Variants in ACAD10 observed in about 807,000 individuals in gnomAD.
ACAD10 encodes ACAD-10.
Under a neutral mutation model 116.8 loss-of-function variants are expected in ACAD10, and 112 were observed. The observed-to-expected ratio is 0.96, with a 90% CI of 0.82 to 1.12. The LOEUF is 1.12. Among genes scored for constraint, ACAD10 ranks in the 50% most tolerant of loss-of-function variants. The pLI, the probability that ACAD10 is intolerant of heterozygous loss-of-function variation, is 0.00. For synonymous variants in ACAD10, 486 were observed against 510.6 expected (o/e 0.95, Z 0.65); for missense variants, 1,259 against 1,350.2 (o/e 0.93, Z 1.06).
intron 2 of ACAD10, among the ~76,000 whole-genome samples, chr12:111,696,938 AG>A (rs1888204394): frequency 6.6e-6 from 1 of 152,176 alleles, no homozygotes; most frequent in South Asian, 2.1e-4. Context: ...AAAATTAGCC[AG>A]GCGTGGTGGC....
intron 7 of ACAD10, 37 bp downstream of exon 7, chr12:111,715,999 G>A: frequency 6.2e-7 from 1 of 1,613,094 alleles, no homozygotes. Flanking sequence ...TTGCCCACTA[G>A]CCTCCACTGT....
At chr12:111,697,935 C>T (rs1157232841) in intron 2 of ACAD10, among the ~76,000 whole-genome samples, 11 of 143,968 alleles carry the variant, frequency 7.6e-5, no homozygotes, top group Middle Eastern at 3.8e-3. Flanking sequence ...ACTGAGGTTG[C>T]GCCTTTTTTT....
intron 6 of ACAD10, chr12:111,715,511 T>G (rs894953330): frequency 6.3e-6 from 2 of 316,330 alleles, no homozygotes; most frequent in Non-Finnish European, 1.2e-5. Context: ...TGAACATGTT[T>G]TTATTCATGG....
rs1418518797 is a variant in ACAD10, at chr12:111,722,998, G to T, written c.1061+1259G>T. On this transcript the variant is annotated intron_variant, in intron 8 of 20. Transcript: ENST00000313698. The stretch of plus-strand genomic sequence containing the variant: ...CGCCCCTCACCTCCCGGACGGGGCG[G>T]GTGGCCGGGCGGGGGGCTGACCCCC... Among the ~76,000 whole-genome samples, 56 of 150,442 alleles carry T rather than the reference G, an allele frequency of 3.7e-4. 2 individuals are homozygous for T. Among genetic ancestry groups the T allele is most frequent in the Admixed American group, 3.4e-3 (51 of 15,168 alleles).
At chr12:111,716,728 T>C (rs1009907963) in intron 7 of ACAD10, among the ~76,000 whole-genome samples, 1 of 151,224 alleles carries the variant, frequency 6.6e-6, no homozygotes, top group Non-Finnish European at 1.5e-5. Flanking sequence ...TGGTGGCACA[T>C]ACCTGTAGTT....
intron 12 of ACAD10, among the ~76,000 whole-genome samples, chr12:111,743,373 T>TG (rs1889803679): frequency 6.6e-6 from 1 of 151,702 alleles, no homozygotes; most frequent in African/African-American, 2.4e-5. Flanking sequence ...TATTCTGTTT[T>TG]TTTTTTTTTT....
chr12:111,687,352 CTTT>C (rs1304136917), intron 1 of ACAD10, among the ~76,000 whole-genome samples: 1 of 152,004 alleles, frequency 6.6e-6, no homozygotes, highest in Admixed American at 6.6e-5. Context: ...CCTGATTATT[CTTT>C]TTTGTTTTTG....
chr12:111,703,837 C>T (rs1323563088), intron 3 of ACAD10, among the ~76,000 whole-genome samples: 1 of 151,310 alleles, frequency 6.6e-6, no homozygotes, highest in African/African-American at 2.4e-5. Flanking sequence ...GAGTGAGACT[C>T]CATCTCAAAA....
At chr12:111,712,378 T>C in intron 5 of ACAD10, 120 bp from the exon 6 acceptor site, 2 of 918,674 alleles carry the variant, frequency 2.2e-6, no homozygotes, top group Non-Finnish European at 3.2e-6. Context: ...TCTGCACCTG[T>C]ACTACCATGA....
intron 14 of ACAD10, among the ~76,000 whole-genome samples, chr12:111,746,750 G>A (rs1051403569): frequency 8.6e-5 from 13 of 151,736 alleles, no homozygotes; most frequent in African/African-American, 3.1e-4. Flanking sequence ...CTGTAATCCC[G>A]GTACTTTTGG....
intron 20 of ACAD10, chr12:111,756,008 C>A: frequency 1.2e-6 from 1 of 809,720 alleles, no homozygotes; most frequent in Non-Finnish European, 1.9e-6. Flanking sequence ...TAGCTGACCT[C>A]AAATTCACAT....
intron 4 of ACAD10, among the ~76,000 whole-genome samples, chr12:111,706,782 A>ATATTTT (rs778649893): frequency 7.9e-6 from 1 of 126,504 alleles, no homozygotes; most frequent in African/African-American, 3.2e-5. Context: ...ATATATATAT[A>ATATTTT]TTTTTTTTTT....
At chr12:111,693,857 A>G (rs1888121445) in intron 2 of ACAD10, among the ~76,000 whole-genome samples, 1 of 152,208 alleles carries the variant, frequency 6.6e-6, no homozygotes, top group South Asian at 2.1e-4. Flanking sequence ...TTTCTCTTGC[A>G]CATAAAAGCC....
chr12:111,733,898 C>A (rs1252830711), intron 10 of ACAD10, 25 bp from the exon 11 acceptor site: 2 of 1,613,934 alleles, frequency 1.2e-6, no homozygotes, highest in Admixed American at 3.3e-5. Flanking sequence ...TTAGTGCTGT[C>A]TCTATTCCTC....
At chr12:111,739,781 G>A (rs1889677097) in intron 12 of ACAD10, among the ~76,000 whole-genome samples, 1 of 151,852 alleles carries the variant, frequency 6.6e-6, no homozygotes, top group Non-Finnish European at 1.5e-5. Flanking sequence ...GGGGGGAGCG[G>A]GGAGAGACTT....
At chr12:111,741,722 T>TG (rs1332537470) in intron 12 of ACAD10, among the ~76,000 whole-genome samples, 12 of 152,156 alleles carry the variant, frequency 7.9e-5, no homozygotes, top group African/African-American at 2.9e-4. Flanking sequence ...GTATGATGAA[T>TG]GGGGAAAAAA....
In ACAD10 at chr12:111,756,554, G is replaced by A. The variant is rs75604924; in HGVS notation, c.*81G>A. The A allele has an allele frequency of 3.0e-3, 4,659 of 1,563,986 alleles. 123 individuals are homozygous for A. The African/African-American group carries it at 0.054, about 18-fold the overall frequency. ...GTCACTGATGTGCCTCGAAAGATCC[G>A]GTGTTTGTGGCTCCTGCACCCTGCT... On this transcript the variant is annotated 3_prime_UTR_variant, in exon 21 of 21. Coordinates refer to ENST00000313698, the MANE Select transcript of ACAD10 (RefSeq NM_025247.6).
intron 9 of ACAD10, among the ~76,000 whole-genome samples, chr12:111,729,451 C>A (rs1212241664): frequency 6.6e-6 from 1 of 152,140 alleles, no homozygotes; most frequent in African/African-American, 2.4e-5. Context: ...GTTGGACAGG[C>A]CAGTCTCGAA....
At chr12:111,741,292 A>G (rs1889734851) in intron 12 of ACAD10, among the ~76,000 whole-genome samples, 1 of 152,210 alleles carries the variant, frequency 6.6e-6, no homozygotes, top group Admixed American at 6.5e-5. Context: ...ACTTAAACAG[A>G]ATGGCTGCTA....
Sources: gnomAD v4.1 joint callset for allele counts (sites outside exome capture counted in the v4.1 genomes callset) on GRCh38, gnomAD v4.1.1 for gene constraint, MANE v1.5 for transcripts, NCBI Gene and HGNC (gene_info 2026-07-23, HGNC 2026-07-21) for gene names.